TMEM114: variants seen among roughly 807,000 people sequenced by gnomAD.
The protein encoded by TMEM114 is transmembrane protein 114.
In TMEM114, 6 loss-of-function variants were observed where a neutral mutation model predicts 6.2. The ratio of observed to expected loss-of-function variants is 0.97; its 90% CI spans 0.53 to 1.91. The LOEUF (loss-of-function observed/expected upper bound fraction) is 1.91. Ranked by LOEUF, TMEM114 falls within the 40% of genes most tolerant of loss-of-function variation. TMEM114 has a pLI of 0.01. For missense variants in TMEM114, 218 were observed against 158.3 expected (o/e 1.38, Z -2.02); for synonymous variants, 104 against 73.0 (o/e 1.42, Z -2.16).
chr16:8,575,546 G>A (rs1374562726), intron 2 of TMEM114, among the ~76,000 whole-genome samples: 5 of 152,172 alleles, frequency 3.3e-5, no homozygotes, highest in Admixed American at 6.5e-5. Flanking sequence ...TATTGTTTCA[G>A]TAAACAATGA....
At chr16:8,555,206 T>A (rs191432280) in intron 2 of TMEM114, among the ~76,000 whole-genome samples, 20 of 152,212 alleles carry the variant, frequency 1.3e-4, no homozygotes, top group Non-Finnish European at 2.4e-4. Flanking sequence ...CCCAAAGGTA[T>A]GCACTACTGA....
intron 2 of TMEM114, among the ~76,000 whole-genome samples, chr16:8,554,900 G>T (rs1446180876): frequency 1.3e-5 from 2 of 152,206 alleles, no homozygotes; most frequent in African/African-American, 2.4e-5. Flanking sequence ...TACCACAGCT[G>T]GGTGTTCAAA....
chr16:8,531,035 C>T, the TMEM114 span, among the ~76,000 whole-genome samples: 169 of 150,154 alleles, frequency 1.1e-3, no homozygotes, highest in African/African-American at 3.7e-3. Flanking sequence ...AAAAACAGGA[C>T]GGAGGGAAGA....
chr16:8,533,822 T>G (rs10153214), downstream of TMEM114, among the ~76,000 whole-genome samples: 89,877 of 152,018 alleles, frequency 0.59, 26,618 homozygotes, highest in South Asian at 0.68. Flanking sequence ...CTCAGATGGG[T>G]TTCCTGTGAT....
In TMEM114 at chr16:8,572,134, T is replaced by A; in HGVS notation, c.392A>T (p.Gln131Leu). Reference protein sequence around the residue: ...GMTGFLSFLLQAYLLLLLTGI... With the variant: ...GMTGFLSFLLLAYLLLLLTGI... ...AGTGAGCAGGAGGAGGAGGTAGGCT[T>A]GGAGGAGGAAGCTCAGAAACCCCGT... Residue 131 changes from glutamine to leucine, a missense_variant, in exon 3 of 4, where the codon CAA (glutamine) becomes CTA (leucine). By Grantham distance (113) the Gln-to-Leu change is moderately radical. Transcript: ENST00000620492. 1 of 1,551,460 alleles carries A rather than the reference T, an allele frequency of 6.4e-7. No individual in the cohort carries two copies. Among genetic ancestry groups the A allele is most frequent in the Non-Finnish European group, 8.7e-7 (1 of 1,146,912 alleles).
intron 2 of TMEM114, among the ~76,000 whole-genome samples, chr16:8,544,953 C>G (rs1457803954): frequency 3.3e-5 from 5 of 149,844 alleles, no homozygotes; most frequent in Non-Finnish European, 7.4e-5. Flanking sequence ...CACCTCCCCC[C>G]AACCCCGTAA....
the TMEM114 span, chr16:8,526,560 G>T: frequency 6.6e-6 from 1 of 151,980 alleles, no homozygotes; most frequent in South Asian, 2.1e-4. Flanking sequence ...TGTTCTGATA[G>T]AGCCAATATT....
chr16:8,539,164 A>C (rs957731344), intron 2 of TMEM114, among the ~76,000 whole-genome samples: 3 of 152,140 alleles, frequency 2.0e-5, no homozygotes, highest in African/African-American at 7.2e-5. Flanking sequence ...GACCCATATG[A>C]ATAACGTCTG....
downstream of TMEM114, among the ~76,000 whole-genome samples, chr16:8,568,422 T>C (rs1174757791): frequency 6.6e-6 from 1 of 151,702 alleles, no homozygotes; most frequent in East Asian, 1.9e-4. Flanking sequence ...TGGTGTCATG[T>C]CGTTGTGGTG....
At chr16:8,546,886 G>A (rs200727750) in intron 2 of TMEM114, among the ~76,000 whole-genome samples, 4 of 152,334 alleles carry the variant, frequency 2.6e-5, no homozygotes, top group East Asian at 1.9e-4. Flanking sequence ...GGCAAGCTCT[G>A]AATAAATAGC....
intron 2 of TMEM114, among the ~76,000 whole-genome samples, chr16:8,558,004 A>G (rs1188954828): frequency 1.3e-5 from 2 of 152,180 alleles, no homozygotes; most frequent in Non-Finnish European, 2.9e-5. Flanking sequence ...CTGTAATCCC[A>G]GCACTTTGGG....
intron 2 of TMEM114, among the ~76,000 whole-genome samples, chr16:8,564,419 A>AAATGAGTGAGTGAGGGAGGGAGGG (rs1901445967): frequency 7.9e-6 from 1 of 127,088 alleles, no homozygotes; most frequent in Non-Finnish European, 1.7e-5. Flanking sequence ...GTGAGTGAGT[A>AAATGAGTGAGTGAGGGAGGGAGGG]AATGAGTGAG....
At chr16:8,544,591 ACT>A (rs891447748) in intron 2 of TMEM114, among the ~76,000 whole-genome samples, 14 of 152,034 alleles carry the variant, frequency 9.2e-5, no homozygotes, top group Non-Finnish European at 7.4e-5. Context: ...AGCTCATAAG[ACT>A]CTTAGGAACA....
intron 2 of TMEM114, among the ~76,000 whole-genome samples, chr16:8,559,962 G>A (rs773756553): frequency 3.3e-5 from 5 of 152,076 alleles, no homozygotes; most frequent in African/African-American, 9.7e-5. Context: ...CGGGCTTTGC[G>A]TCTCTGTTCT....
chr16:8,555,908 C>T (rs1394388635), intron 2 of TMEM114, among the ~76,000 whole-genome samples: 1 of 152,182 alleles, frequency 6.6e-6, no homozygotes, highest in Non-Finnish European at 1.5e-5. Flanking sequence ...GTTGGCCTCA[C>T]CCTAAGAAGT....
Position 8,569,939 on chromosome 16 carries a change from A to C in TMEM114, c.506T>G (p.Leu169Arg). Residue 169 changes from leucine (L) to arginine (R), a missense_variant, in exon 4 of 4, where the codon CTG (leucine) becomes CGG (arginine). Physicochemically the swap from Leu to Arg is moderately radical, Grantham distance 102. Transcript: ENST00000620492. The stretch of plus-strand genomic sequence containing the variant: ...GAGGGCCTTCTCCTCCAAGAGACAC[A>C]GCGCCTCCCGGAAGGCGGCGGCTGA... ...AYSAAAFREA[L>R]CLLEEKALLD... is the part of the protein sequence containing the mutation. 6.4e-7 allele frequency: 1 copy of C among 1,551,072 alleles called. No individual in the cohort carries two copies. Among genetic ancestry groups the C allele is most frequent in the Non-Finnish European group, 8.7e-7 (1 of 1,146,944 alleles).
At chr16:8,538,448 A>T (rs1443105176) in intron 2 of TMEM114, among the ~76,000 whole-genome samples, 1 of 152,016 alleles carries the variant, frequency 6.6e-6, no homozygotes, top group Non-Finnish European at 1.5e-5. Context: ...ATTTTGGACC[A>T]TATGGCTGTA....
At chr16:8,530,339 C>T in the TMEM114 span, among the ~76,000 whole-genome samples, 1 of 152,152 alleles carries the variant, frequency 6.6e-6, no homozygotes, top group African/African-American at 2.4e-5. Flanking sequence ...CCCTGTGGGA[C>T]CTTGGACGTG....
rs532395028 is a variant in TMEM114 at position 8,569,503 on chromosome 16, G to A, written c.*270C>T. On this transcript the variant is annotated 3_prime_UTR_variant, in exon 4 of 4. Transcript: ENST00000620492. ...TTGCAATCTGTAAAGCTCTGTGTGT[G>A]ATTAAAGGATCGTTTTTATTTCTCG... is the stretch of plus-strand genomic sequence containing the variant. 5 of 1,370,942 alleles carry A rather than the reference G, an allele frequency of 3.6e-6. No individual in the cohort carries two copies. In the African/African-American group the frequency reaches 5.8e-5, roughly 16 times the overall value. 84.9% of individuals were successfully genotyped at this position (1,370,942 alleles called of 1,614,324 possible). A position where few individuals can be genotyped will look rare whatever the true frequency, so the allele number is the denominator to read the frequency against.
Sources: allele counts gnomAD v4.1 joint callset (sites outside exome capture counted in the v4.1 genomes callset), GRCh38; gene constraint gnomAD v4.1.1; transcripts MANE v1.5; gene names NCBI Gene and HGNC (gene_info 2026-07-23, HGNC 2026-07-21).